NLGN4X: variants seen among roughly 807,000 people sequenced by gnomAD.
NLGN4X encodes the protein neuroligin 4 X-linked, also known as neuroligin-4, X-linked.
A neutral mutation model predicts 40.3 loss-of-function variants in NLGN4X; 3 were observed. The ratio of observed to expected loss-of-function variants is 0.07; its 90% CI spans 0.03 to 0.19. The LOEUF is 0.19. Among genes scored for constraint, NLGN4X ranks in the 10% least tolerant of loss-of-function variants. NLGN4X has a pLI of 1.00. For missense variants in NLGN4X, 382 were observed against 708.3 expected (o/e 0.54, Z 5.23); for synonymous variants, 270 against 306.8 (o/e 0.88, Z 1.25).
At chrX:6,150,969 G>A (rs748854163) in intron 2 of NLGN4X, 26 bp downstream of exon 2, 4 of 1,151,470 alleles carry the variant, frequency 3.5e-6, no homozygotes, top group Admixed American at 2.2e-5. Flanking sequence ...AAGAGGTATT[G>A]TTTTCTGTTC....
intron 3 of NLGN4X, among the ~76,000 whole-genome samples, chrX:5,922,454 C>T (rs774675734): frequency 9.0e-6 from 1 of 111,556 alleles, no homozygotes; most frequent in African/African-American, 3.3e-5. Flanking sequence ...CAGTATGCAC[C>T]CCGTAAATAT....
intron 3 of NLGN4X, among the ~76,000 whole-genome samples, chrX:5,983,667 G>A (rs2035451859): frequency 8.9e-6 from 1 of 112,079 alleles, no homozygotes. Context: ...ACCGGGTGCA[G>A]TGGCCCACAC....
chrX:5,899,593 C>G (rs767999619), intron 5 of NLGN4X, among the ~76,000 whole-genome samples: 3 of 111,201 alleles, frequency 2.7e-5, no homozygotes, highest in Non-Finnish European at 3.8e-5. Context: ...CTCAGACCTT[C>G]GTGATGTCTT....
At chrX:6,028,631 C>A (rs1335105863) in intron 3 of NLGN4X, among the ~76,000 whole-genome samples, 1 of 106,161 alleles carries the variant, frequency 9.4e-6, no homozygotes, top group Non-Finnish European at 1.9e-5. Context: ...TGCACTCCAG[C>A]CTGGGCGACA....
intron 3 of NLGN4X, among the ~76,000 whole-genome samples, chrX:5,994,678 A>G (rs1358894128): frequency 8.9e-6 from 1 of 112,179 alleles, no homozygotes; most frequent in Non-Finnish European, 1.9e-5. Context: ...CTTATTGGGA[A>G]GAGCCTCTTA....
chrX:5,962,211 A>G (rs2034684211), intron 3 of NLGN4X, among the ~76,000 whole-genome samples: 1 of 112,337 alleles, frequency 8.9e-6, no homozygotes, highest in African/African-American at 3.2e-5. Context: ...AAAAAGGGCT[A>G]TGGAGTCAAA....
intron 1 of NLGN4X, among the ~76,000 whole-genome samples, chrX:6,161,964 AG>A (rs1433244430): frequency 8.9e-6 from 1 of 111,996 alleles, no homozygotes; most frequent in East Asian, 2.8e-4. Flanking sequence ...TAAGCTGCTT[AG>A]GTTCAGGAAT....
At chrX:6,035,915 TATATAAC>T (rs1291138857) in intron 2 of NLGN4X, among the ~76,000 whole-genome samples, 1 of 112,171 alleles carries the variant, frequency 8.9e-6, no homozygotes, top group African/African-American at 3.2e-5. Context: ...GTGCATTGTA[TATATAAC>T]ATACAAAAGA....
chrX:6,109,569 GTTCTT>G (rs1247950466), intron 2 of NLGN4X, among the ~76,000 whole-genome samples: 12 of 111,608 alleles, frequency 1.1e-4, no homozygotes, highest in Admixed American at 2.9e-4. Context: ...TCACTGACTT[GTTCTT>G]TTAAGAAAAC....
At chrX:6,014,180 C>CAG (rs1467121582) in intron 3 of NLGN4X, among the ~76,000 whole-genome samples, 2 of 104,758 alleles carry the variant, frequency 1.9e-5, no homozygotes, top group Non-Finnish European at 3.9e-5. Flanking sequence ...GACTCCATCT[C>CAG]AGAGAGAGAA....
At chrX:6,212,834 T>C (rs755913041) in intron 1 of NLGN4X, among the ~76,000 whole-genome samples, 5 of 111,836 alleles carry the variant, frequency 4.5e-5, no homozygotes, top group Non-Finnish European at 9.4e-5. Context: ...GTCTACATCA[T>C]GGCCACAAGG....
intron 2 of NLGN4X, among the ~76,000 whole-genome samples, chrX:6,049,415 T>C (rs922943078): frequency 6.5e-5 from 7 of 107,259 alleles, no homozygotes; most frequent in African/African-American, 1.0e-4. Context: ...GAGGCTGAAA[T>C]AAGAGAATTG....
chrX:6,002,391 A>C, intron 3 of NLGN4X, among the ~76,000 whole-genome samples: 1 of 111,424 alleles, frequency 9.0e-6, no homozygotes, highest in Non-Finnish European at 1.9e-5. Flanking sequence ...TTGGGGCAGC[A>C]CTCTCTCAGA....
intron 2 of NLGN4X, among the ~76,000 whole-genome samples, chrX:6,036,759 C>A (rs2037022612): frequency 9.0e-6 from 1 of 110,710 alleles, no homozygotes; most frequent in African/African-American, 3.3e-5. Context: ...CTCCGTAAAA[C>A]CTCTGTGCAG....
At chrX:6,219,385 CCTTCTT>C (rs758314355) in intron 1 of NLGN4X, among the ~76,000 whole-genome samples, 13,413 of 41,153 alleles carry the variant, frequency 0.33, 1,030 homozygotes, top group African/African-American at 0.53. Flanking sequence ...TTCTTTCCTT[CCTTCTT>C]TCCTTCTTTC....
At chrX:6,121,364 T>C (rs1334594937) in intron 2 of NLGN4X, among the ~76,000 whole-genome samples, 1 of 111,837 alleles carries the variant, frequency 8.9e-6, no homozygotes, top group African/African-American at 3.3e-5. Flanking sequence ...GTAATTGTCA[T>C]TATGACATGG....
At chrX:5,937,071 C>T (rs1242579673) in intron 3 of NLGN4X, among the ~76,000 whole-genome samples, 1 of 110,712 alleles carries the variant, frequency 9.0e-6, no homozygotes, top group Non-Finnish European at 1.9e-5. Flanking sequence ...CTCTCTTACA[C>T]ATAGTTGAAT....
chrX:6,119,765 C>T (rs754820507), intron 2 of NLGN4X, among the ~76,000 whole-genome samples: 2 of 111,182 alleles, frequency 1.8e-5, no homozygotes, highest in East Asian at 5.6e-4. Context: ...AGAATTCTTA[C>T]TTTTGTATAC....
rs145396460 is a variant in NLGN4X, at chrX:6,075,610, G to A, written c.473-46178C>T. Among the ~76,000 whole-genome samples, 795 of 111,296 alleles carry A rather than the reference G, an allele frequency of 7.1e-3. 5 individuals are homozygous for A. Among genetic ancestry groups the A allele is most frequent in the African/African-American group, 0.024 (729 of 30,589 alleles). On this transcript the variant is annotated intron_variant, in intron 2 of 5. Transcript: ENST00000381095. The stretch of plus-strand genomic sequence containing the variant: ...AGTCATGGAGGTGGATCCCTCATGA[G>A]CAGCTTGGTGCCAGCCTTGCAGTAA...
Sources: gnomAD v4.1 joint callset for allele counts (sites outside exome capture counted in the v4.1 genomes callset) on GRCh38, gnomAD v4.1.1 for gene constraint, MANE v1.5 for transcripts, NCBI Gene and HGNC (gene_info 2026-07-23, HGNC 2026-07-21) for gene names.